PPP4R4: variants seen among roughly 807,000 people sequenced by gnomAD.
PPP4R4 encodes the protein serine/threonine-protein phosphatase 4 regulatory subunit 4.
Under a neutral mutation model 121.8 loss-of-function variants are expected in PPP4R4, and 70 were observed. The ratio of observed to expected loss-of-function variants is 0.57; its 90% confidence interval spans 0.47 to 0.70. The LOEUF (loss-of-function observed/expected upper bound fraction) is 0.70. Ranked by LOEUF, PPP4R4 falls within the 30% of genes least tolerant of loss-of-function variation. The pLI is 0.00. For missense variants in PPP4R4, 875 were observed against 1,033.6 expected (o/e 0.85, Z 2.10); for synonymous variants, 348 against 355.7 (o/e 0.98, Z 0.24).
At chr14:94,217,542 A>G (rs981164213) in intron 3 of PPP4R4, among the ~76,000 whole-genome samples, 1 of 152,214 alleles carries the variant, frequency 6.6e-6, no homozygotes, top group African/African-American at 2.4e-5. Flanking sequence ...ATAAAGCAAC[A>G]ACAGGTCTAG....
chr14:94,277,841 AT>A (rs1324884264), intron 24 of PPP4R4, among the ~76,000 whole-genome samples: 2 of 152,186 alleles, frequency 1.3e-5, no homozygotes, highest in African/African-American at 4.8e-5. Flanking sequence ...AGAAACAAAC[AT>A]TTTGATAACA....
At chr14:94,247,344 G>T (rs1022218076) in intron 14 of PPP4R4, among the ~76,000 whole-genome samples, 1 of 152,162 alleles carries the variant, frequency 6.6e-6, no homozygotes, top group East Asian at 1.9e-4. Context: ...AAGCTGGGTG[G>T]GCCCCACACT....
At chr14:94,190,659 T>G (rs1287213858) in intron 2 of PPP4R4, among the ~76,000 whole-genome samples, 1 of 152,172 alleles carries the variant, frequency 6.6e-6, no homozygotes, top group African/African-American at 2.4e-5. Context: ...TTTTTACTGC[T>G]ATTTGTTAAT....
At chr14:94,254,355 G>A (rs1262092812) in intron 16 of PPP4R4, among the ~76,000 whole-genome samples, 2 of 152,092 alleles carry the variant, frequency 1.3e-5, no homozygotes, top group Non-Finnish European at 2.9e-5. Flanking sequence ...AAAGACTCTT[G>A]GTATTCAGAG....
intron 19 of PPP4R4, among the ~76,000 whole-genome samples, chr14:94,259,961 T>C (rs1893685493): frequency 6.6e-6 from 1 of 152,160 alleles, no homozygotes; most frequent in South Asian, 2.1e-4. Context: ...ATTCACCTCT[T>C]TATGGACATT....
intron 10 of PPP4R4, 26 bp from the exon 11 acceptor site, chr14:94,242,263 C>A: frequency 6.2e-7 from 1 of 1,607,546 alleles, no homozygotes; most frequent in South Asian, 1.1e-5. Context: ...CCTTCCCACT[C>A]ATCTCCTCCC....
At chr14:94,271,927 A>T (rs1003289036) in intron 23 of PPP4R4, among the ~76,000 whole-genome samples, 5 of 152,204 alleles carry the variant, frequency 3.3e-5, no homozygotes, top group Admixed American at 3.3e-4. Context: ...CAGCACTCAG[A>T]AAAATGAAAT....
chr14:94,243,567 T>G (rs1322609579), intron 11 of PPP4R4, among the ~76,000 whole-genome samples: 4 of 152,210 alleles, frequency 2.6e-5, no homozygotes, highest in Non-Finnish European at 4.4e-5. Context: ...ATTTTATTTA[T>G]GTTTTATAGT....
In PPP4R4 at chr14:94,244,706, A is replaced by G. The variant is rs2139579191; in HGVS notation, c.1338A>G (p.Ser446=). The change falls in exon 12 of 25, where the codon TCA becomes TCG. Residue 446 remains serine (S), a synonymous_variant. Transcript: ENST00000304338. The part of the protein sequence containing the change: ...KELITLLQDE[S]LEVLDALIDH... ...TAATAACATTATTACAAGATGAATC[A>G]CTGGAGGTAATATTTTCTTACTCTT... 1 of 1,493,078 alleles carries G rather than the reference A, an allele frequency of 6.7e-7. No individual in the cohort carries two copies. The highest frequency in any genetic ancestry group is 9.0e-7 in the Non-Finnish European group (1 of 1,105,366). 92.5% of individuals were successfully genotyped at this position (1,493,078 alleles called of 1,614,324 possible). A position where few individuals can be genotyped will look rare whatever the true frequency, so the allele number is the denominator to read the frequency against.
chr14:94,245,692 C>G, intron 13 of PPP4R4, 22 bp downstream of exon 13: 1 of 1,488,582 alleles, frequency 6.7e-7, no homozygotes, highest in Non-Finnish European at 9.3e-7. Context: ...CTTTCAGAAA[C>G]ATTCTGAGTT....
intron 3 of PPP4R4, among the ~76,000 whole-genome samples, chr14:94,218,839 T>C (rs1419974385): frequency 1.3e-5 from 2 of 151,936 alleles, no homozygotes; most frequent in African/African-American, 4.8e-5. Context: ...AAGGTGACAA[T>C]TGAACAGGCT....
chr14:94,191,891 G>A (rs1269097589), intron 2 of PPP4R4, among the ~76,000 whole-genome samples: 1 of 152,156 alleles, frequency 6.6e-6, no homozygotes, highest in Non-Finnish European at 1.5e-5. Context: ...ACTATGACCT[G>A]AGATGGTATG....
Position 94,242,351 on chromosome 14 carries a change from C to A in PPP4R4, c.1209C>A (p.Cys403Ter). ...FHMELYSTFF[C>*]LCHDPEVPVR... Reference sequence around the variant, plus strand: ...TGGAACTCTATTCTACATTCTTCTGCCTTTGCCATGACCCTGAAGTACCAG... The same window carrying A: ...TGGAACTCTATTCTACATTCTTCTGACTTTGCCATGACCCTGAAGTACCAG... The change falls in exon 11 of 25, where the codon TGC (cysteine) becomes TGA (stop). Residue 403 changes from cysteine to a stop codon, truncating the protein, a stop_gained. Transcript: ENST00000304338. LOFTEE classifies it high-confidence loss of function. 1 of 1,609,306 alleles carries A rather than the reference C, an allele frequency of 6.2e-7. No individual in the cohort carries two copies. Among genetic ancestry groups the A allele is most frequent in the Non-Finnish European group, 8.5e-7 (1 of 1,175,834 alleles).
At chr14:94,224,235 A>G (rs916141666) in intron 3 of PPP4R4, among the ~76,000 whole-genome samples, 1 of 152,160 alleles carries the variant, frequency 6.6e-6, no homozygotes, top group South Asian at 2.1e-4. Context: ...AGCCCAAATT[A>G]TGCAGATCCT....
At chr14:94,211,727 C>T (rs539536619) in intron 3 of PPP4R4, among the ~76,000 whole-genome samples, 1 of 152,210 alleles carries the variant, frequency 6.6e-6, no homozygotes, top group South Asian at 2.1e-4. Flanking sequence ...AGTTAGGAAG[C>T]TTCAGTTCTG....
chr14:94,240,838 C>T, intron 9 of PPP4R4, 43 bp downstream of exon 9: 1 of 1,446,432 alleles, frequency 6.9e-7, no homozygotes, highest in Non-Finnish European at 9.1e-7. Context: ...GATAATTTTT[C>T]CCTTTTTTTT....
chr14:94,231,390 A>T lies in PPP4R4; in HGVS notation c.516+75A>T. ...TTTTTTTAAAAGGTTTCTTGTCAAA[A>T]ATGGTTTTTAAAAAAGAAAGTTGTT... On this transcript the variant is annotated intron_variant, in intron 5 of 24. Transcript: ENST00000304338. 3 of 1,301,386 alleles carry T rather than the reference A, an allele frequency of 2.3e-6. No homozygotes were observed. The South Asian group carries it at 4.2e-5, about 18-fold the overall frequency. 80.6% of individuals were successfully genotyped at this position (1,301,386 alleles called of 1,614,324 possible).
chr14:94,187,547 A>C (rs1479131877), intron 2 of PPP4R4, among the ~76,000 whole-genome samples: 1 of 152,184 alleles, frequency 6.6e-6, no homozygotes, highest in East Asian at 1.9e-4. Flanking sequence ...ATCATGGTAC[A>C]TCTTTCAAAA....
chr14:94,218,469 GCGCA>G (rs1223115563), intron 3 of PPP4R4, among the ~76,000 whole-genome samples: 1 of 95,840 alleles, frequency 1.0e-5, no homozygotes, highest in Non-Finnish European at 1.9e-5. Context: ...CACCGCACGC[GCGCA>G]CACACACACC....
Sources: allele counts gnomAD v4.1 joint callset (sites outside exome capture counted in the v4.1 genomes callset), GRCh38; gene constraint gnomAD v4.1.1; transcripts MANE v1.5; gene names NCBI Gene and HGNC (gene_info 2026-07-23, HGNC 2026-07-21).